FOXM1: variants seen among roughly 807,000 people sequenced by gnomAD.
FOXM1 encodes forkhead box M1, also known as forkhead box protein M1.
Under a neutral mutation model 63.6 loss-of-function variants are expected in FOXM1, and 25 were observed. That is an observed-to-expected ratio of 0.39 (90% CI 0.29 to 0.55). The LOEUF is 0.55. Ranked by LOEUF, FOXM1 falls within the 20% of genes least tolerant of loss-of-function variation. FOXM1 has a pLI of 0.60. For synonymous variants in FOXM1, 387 were observed against 376.9 expected, an observed-to-expected ratio of 1.03 and a Z score of -0.31; for missense variants, 879 against 958.7, an observed-to-expected ratio of 0.92 and a Z score of 1.10.
Position 2,872,315 on chromosome 12 carries a change from T to C in FOXM1, c.503-68A>G, listed in dbSNP as rs769681276. On this transcript the variant is annotated intron_variant, in intron 2 of 8. Transcript: ENST00000359843. The surrounding 1 kb of genome is among the most constrained non-coding windows in gnomAD (Gnocchi z 4.0). ...AGATGCCCAGGTGTGTCCATCAGAATTGGTGGCTAGCAGGCCGGGTGCAGT... is the reference window on the plus strand; with the variant it reads ...AGATGCCCAGGTGTGTCCATCAGAACTGGTGGCTAGCAGGCCGGGTGCAGT... 6.8e-4 allele frequency: 1,066 copies of C among 1,570,238 alleles called. 2 individuals are homozygous for C. Among genetic ancestry groups the C allele is most frequent in the Non-Finnish European group, 8.6e-4 (990 of 1,145,718 alleles).
In FOXM1 at chr12:2,874,167, G is replaced by C; in HGVS notation, c.312C>G (p.Asn104Lys). Residue 104 changes from asparagine (N) to lysine (K), a missense_variant, in exon 2 of 9, where the codon AAC (asparagine) becomes AAG (lysine). Physicochemically the swap from Asn to Lys is moderately conservative, Grantham distance 94 (BLOSUM62 0). Transcript: ENST00000359843. The surrounding 1 kb of genome is among the most constrained non-coding windows in gnomAD (Gnocchi z 4.3). ...KGKESGSSGPNKFILISCGGA... is the reference protein window; with the variant it reads ...KGKESGSSGPKKFILISCGGA... ...CCCCACAGCTGATGAGGATGAATTT[G>C]TTGGGCCCACTACTGCCACTCTCTT... 1 of 1,614,198 alleles carries C rather than the reference G, an allele frequency of 6.2e-7. No individual in the cohort carries two copies. The highest frequency in any genetic ancestry group is 8.5e-7 in the Non-Finnish European group (1 of 1,180,042).
In FOXM1 at chr12:2,858,767, G is replaced by C; in HGVS notation, c.2163C>G (p.Gly721=). The change falls in exon 9 of 9, where the codon GGC becomes GGG. Residue 721 remains glycine, a synonymous_variant. Coordinates refer to ENST00000359843, the MANE Select transcript of FOXM1 (RefSeq NM_021953.4). The stretch of plus-strand genomic sequence containing the variant: ...TGTCATTCATTGTGTCCAGGACCAG[G>C]CCTTCTGTCAGAGAACGATTGGCTG... ...GLAANRSLTE[G]LVLDTMNDSL... is the part of the protein sequence containing the mutation. 1.9e-6 allele frequency: 3 copies of C among 1,614,224 alleles called. No individual in the cohort carries two copies. The highest frequency in any genetic ancestry group is 2.5e-6 in the Non-Finnish European group (3 of 1,180,038).
chr12:2,859,036 CT>C lies in FOXM1; in HGVS notation c.1893del (p.Val632Ter). The C allele has an allele frequency of 6.2e-7, 1 of 1,610,100 alleles. No homozygotes were observed. ...PESWRLTPPA[K>X]VGGLDFSPVQ... is the part of the protein sequence containing the mutation. ...ACTGGGCTGAAATCCAGTCCCCCTACTTTGGCTGGGGGCGTGAGCCTCCAGG... is the reference window on the plus strand; with the variant it reads ...ACTGGGCTGAAATCCAGTCCCCCTACTTGGCTGGGGGCGTGAGCCTCCAGG... On this transcript the variant is annotated frameshift_variant, in exon 9 of 9. Transcript: ENST00000359843. LOFTEE classifies it high-confidence loss of function.
In FOXM1 at chr12:2,858,398, TTTG is replaced by T; in HGVS notation, c.*237_*239del. 1 of 498,690 alleles carries T rather than the reference TTTG, an allele frequency of 2.0e-6. No individual in the cohort carries two copies. The allele number at this position is 498,690 out of a possible 1,614,324, so 30.9% of individuals were successfully genotyped here. ...TTCCTAATCTCTTTTCACCATTGCC[TTTG>T]TTGTTCCCACCCTTCAGCTCCTGGC... On this transcript the variant is annotated 3_prime_UTR_variant, in exon 9 of 9. Transcript: ENST00000359843.
Position 2,859,680 on chromosome 12 carries a change from G to A in FOXM1, c.1267-17C>T. The A allele has an allele frequency of 1.3e-6, 2 of 1,584,700 alleles. No individual in the cohort carries two copies. The highest frequency in any genetic ancestry group is 2.3e-5 in the South Asian group (2 of 88,746). On this transcript the variant is annotated splice_polypyrimidine_tract_variant and intron_variant, in intron 8 of 8. Coordinates refer to ENST00000359843, the MANE Select transcript of FOXM1 (RefSeq NM_021953.4). ...TAGCAGCACCTGAAAGGGAAACAGA[G>A]ATAAGGTGAACCAACGGTCACCAGA...
In FOXM1 at chr12:2,874,266, G is replaced by C. The variant is rs1190372194; in HGVS notation, c.213C>G (p.Pro71=). 1.1e-5 allele frequency: 17 copies of C among 1,614,150 alleles called. No individual in the cohort carries two copies. Among genetic ancestry groups the C allele is most frequent in the Non-Finnish European group, 1.4e-5 (16 of 1,180,038 alleles). ...TGGGGATGGCCACTACTTGCGTGTT[G>C]GGCATGGTGGGGTGGTTAATAATCT... The part of the protein sequence containing the change: ...GIKIINHPTM[P]NTQVVAIPNN... The change falls in exon 2 of 9, where the codon CCC becomes CCG. Residue 71 remains proline (P), a synonymous_variant. Coordinates refer to ENST00000359843, the MANE Select transcript of FOXM1 (RefSeq NM_021953.4). This position sits in a 1 kb window ranked among gnomAD's most constrained non-coding sequence, Gnocchi z 4.3.
intron 4 of FOXM1, among the ~76,000 whole-genome samples, chr12:2,867,018 T>C (rs1319963931): frequency 2.6e-5 from 4 of 152,242 alleles, no homozygotes; most frequent in African/African-American, 9.6e-5. Context: ...CCAGGCATGG[T>C]GGCGCATGCC....
chr12:2,860,553 GAA>G (rs1367657265), intron 8 of FOXM1, among the ~76,000 whole-genome samples: 1 of 152,128 alleles, frequency 6.6e-6, no homozygotes, highest in Admixed American at 6.6e-5. Flanking sequence ...CAGCATAAAA[GAA>G]AGAAGATTAT....
At chr12:2,868,440 ATTTG>A in intron 4 of FOXM1, 119 bp downstream of exon 4, 7 of 681,502 alleles carry the variant, frequency 1.0e-5, no homozygotes, top group Non-Finnish European at 1.7e-5. Context: ...TAAAAGATAC[ATTTG>A]TTTATCATTC....
intron 3 of FOXM1, among the ~76,000 whole-genome samples, chr12:2,870,662 A>C (rs916838648): frequency 7.3e-5 from 11 of 150,194 alleles, no homozygotes; most frequent in African/African-American, 2.7e-4. Context: ...AATCCGTCTC[A>C]AAAAGAAAAA....
chr12:2,866,344 A>G lies in FOXM1; in HGVS notation c.975+49T>C, dbSNP rs1490242218. The stretch of plus-strand genomic sequence containing the variant: ...GAACTTGTTTCCTTTTGAGATGGCT[A>G]TGACAACCTCCAACTTAGGCCCTAT... On this transcript the variant is annotated intron_variant, in intron 5 of 8. Transcript: ENST00000359843. 4 of 1,387,348 alleles carry G rather than the reference A, an allele frequency of 2.9e-6. No homozygotes were observed. In the South Asian group the frequency reaches 5.7e-5, roughly 20 times the overall value. The allele number at this position is 1,387,348 out of a possible 1,614,324, so 85.9% of individuals were successfully genotyped here.
chr12:2,869,823 G>A (rs984210324), intron 3 of FOXM1, among the ~76,000 whole-genome samples: 2 of 150,938 alleles, frequency 1.3e-5, no homozygotes, highest in East Asian at 3.9e-4. Context: ...ACGGGCTCAA[G>A]CAATCTGCCC....
chr12:2,866,891 G>A (rs1164974524), intron 4 of FOXM1, among the ~76,000 whole-genome samples: 3 of 152,232 alleles, frequency 2.0e-5, no homozygotes, highest in East Asian at 3.9e-4. Context: ...GGTGGCTCAC[G>A]CCTATAATCC....
At chr12:2,866,808 G>C (rs1053862886) in intron 4 of FOXM1, among the ~76,000 whole-genome samples, 3 of 152,216 alleles carry the variant, frequency 2.0e-5, no homozygotes, top group African/African-American at 7.2e-5. Flanking sequence ...GCAGAGTAAG[G>C]CTGTGAGGTA....
Position 2,866,525 on chromosome 12 carries a change from G to C in FOXM1, c.847-4C>G. ...AAAGGTTGTGGCGGATGGAGTTCTG[G>C]AAGAAGAGCAAGACAACTGGTTATC... On this transcript the variant is annotated splice_polypyrimidine_tract_variant and splice_region_variant and intron_variant, in intron 4 of 8. Transcript: ENST00000359843. 4.6e-6 allele frequency: 7 copies of C among 1,523,916 alleles called. No individual in the cohort carries two copies. Among genetic ancestry groups the C allele is most frequent in the Non-Finnish European group, 6.1e-6 (7 of 1,140,538 alleles). 94.4% of individuals were successfully genotyped at this position (1,523,916 alleles called of 1,614,324 possible).
chr12:2,873,585 T>C (rs1405002669), intron 2 of FOXM1, among the ~76,000 whole-genome samples: 1 of 148,338 alleles, frequency 6.7e-6, no homozygotes, highest in Non-Finnish European at 1.5e-5. Context: ...TTTTCATTTT[T>C]ATTTTTTTTT....
Position 2,859,166 on chromosome 12 carries a change from G to C in FOXM1, c.1764C>G (p.Leu588=). Residue 588 remains leucine (L), a synonymous_variant, in exon 9 of 9, where the codon CTC becomes CTG. Coordinates refer to ENST00000359843, the MANE Select transcript of FOXM1 (RefSeq NM_021953.4). ...GTCCTCCCACTTCCTGGGAGTAGCT[G>C]AGCTGGGAGGCAGGGTCAGAGGAGT... ...PADSSDPASQ[L]SYSQEVGGPF... is the part of the protein sequence containing the mutation. 1 of 1,607,852 alleles carries C rather than the reference G, an allele frequency of 6.2e-7. No individual in the cohort carries two copies. The highest frequency in any genetic ancestry group is 8.5e-7 in the Non-Finnish European group (1 of 1,176,544).
At chr12:2,869,737 ATT>A (rs57611486) in intron 3 of FOXM1, among the ~76,000 whole-genome samples, 1,660 of 130,252 alleles carry the variant, frequency 0.013, 35 homozygotes, top group African/African-American at 0.044. Flanking sequence ...GCGCCTGGCG[ATT>A]TTTTTTTTTT....
intron 8 of FOXM1, among the ~76,000 whole-genome samples, chr12:2,862,459 C>T (rs1055690209): frequency 1.3e-5 from 2 of 152,028 alleles, no homozygotes; most frequent in African/African-American, 2.4e-5. Context: ...CATGCTACGG[C>T]CACATGAATG....
Sources: allele counts gnomAD v4.1 joint callset (sites outside exome capture counted in the v4.1 genomes callset), GRCh38; gene constraint gnomAD v4.1.1; non-coding constraint Gnocchi (gnomAD v3.1); transcripts MANE v1.5; gene names NCBI Gene and HGNC (gene_info 2026-07-23, HGNC 2026-07-21).